GTF2E1: variants seen among roughly 807,000 people sequenced by gnomAD.
The protein encoded by GTF2E1 is general transcription factor IIE subunit 1, also known as TFIIE alpha subunit.
In GTF2E1, 14 loss-of-function variants were observed where a neutral mutation model predicts 34.9. That is an observed-to-expected ratio of 0.40 (90% CI 0.27 to 0.63). The LOEUF (loss-of-function observed/expected upper bound fraction) is 0.63, where lower values mean the gene tolerates loss of function less well. GTF2E1 is among the 20% of genes least tolerant of loss of function. The pLI is 0.39. For missense variants in GTF2E1, 469 were observed against 557.7 expected, an observed-to-expected ratio of 0.84 and a Z score of 1.60; for synonymous variants, 188 against 192.9, an observed-to-expected ratio of 0.97 and a Z score of 0.21.
At chr3:120,750,446 T>A (rs1196041216) in intron 1 of GTF2E1, 77 bp from the exon 2 acceptor site, 2 of 826,240 alleles carry the variant, frequency 2.4e-6, no homozygotes, top group African/African-American at 3.4e-5. Context: ...TGGGTACTTT[T>A]CTGGCACTGC....
chr3:120,749,961 ACTGT>A (rs1709148376), intron 1 of GTF2E1: 1 of 152,312 alleles, frequency 6.6e-6, no homozygotes, highest in Non-Finnish European at 1.5e-5. Flanking sequence ...GGTTGGTAAA[ACTGT>A]CTGGATCTAA....
chr3:120,765,273 T>C (rs1015405711), intron 2 of GTF2E1, among the ~76,000 whole-genome samples: 1 of 151,660 alleles, frequency 6.6e-6, no homozygotes, highest in African/African-American at 2.4e-5. Flanking sequence ...AAAATATAGC[T>C]TTGAAATATC....
chr3:120,766,046 A>G (rs1339435789), intron 2 of GTF2E1, among the ~76,000 whole-genome samples: 2 of 152,200 alleles, frequency 1.3e-5, no homozygotes, highest in African/African-American at 2.4e-5. Flanking sequence ...CTTGAGTAGT[A>G]TAGTCTATGT....
intron 2 of GTF2E1, among the ~76,000 whole-genome samples, chr3:120,759,538 C>T (rs1248148043): frequency 1.3e-5 from 2 of 152,050 alleles, no homozygotes; most frequent in Admixed American, 1.3e-4. Context: ...AATGATATTG[C>T]CTAGGTTTTC....
In GTF2E1 at chr3:120,770,847, T is replaced by G; in HGVS notation, c.568T>G (p.Leu190Val). Residue 190 changes from leucine (L) to valine (V), a missense_variant, in exon 3 of 5, where the codon TTG becomes GTG. Coordinates refer to ENST00000283875, the MANE Select transcript of GTF2E1 (RefSeq NM_005513.3). ...TGAACAAATTGAGCCCATTTATGCA[T>G]TGCTTCGGGAGACAGAGGATGTGAA... ...FNEQIEPIYALLRETEDVNLA... is the reference protein window; with the variant it reads ...FNEQIEPIYAVLRETEDVNLA... 1.2e-6 allele frequency: 2 copies of G among 1,613,666 alleles called. No homozygotes were observed. The highest frequency in any genetic ancestry group is 1.7e-6 in the Non-Finnish European group (2 of 1,179,638).
chr3:120,761,597 T>G (rs1709263797), intron 2 of GTF2E1, among the ~76,000 whole-genome samples: 1 of 152,206 alleles, frequency 6.6e-6, no homozygotes, highest in Non-Finnish European at 1.5e-5. Context: ...TTTAAATGTA[T>G]CCCAGAGATT....
chr3:120,761,650 C>A (rs965777231), intron 2 of GTF2E1, among the ~76,000 whole-genome samples: 2 of 152,144 alleles, frequency 1.3e-5, no homozygotes, highest in African/African-American at 4.8e-5. Context: ...CAAAGAACAT[C>A]TTTATTTCTG....
At chr3:120,775,819 A>T (rs1709394100) in intron 3 of GTF2E1, among the ~76,000 whole-genome samples, 1 of 152,240 alleles carries the variant, frequency 6.6e-6, no homozygotes, top group Non-Finnish European at 1.5e-5. Flanking sequence ...AGATAGAAAC[A>T]TACAACTACA....
chr3:120,780,248 G>A (rs1257196131), intron 4 of GTF2E1, among the ~76,000 whole-genome samples: 2 of 152,136 alleles, frequency 1.3e-5, no homozygotes, highest in African/African-American at 4.8e-5. Flanking sequence ...CCTTGGAAAG[G>A]GGGTGACAAA....
chr3:120,781,332 C>A lies in GTF2E1; in HGVS notation c.1182C>A (p.Pro394=), dbSNP rs764890080. The A allele has an allele frequency of 6.2e-7, 1 of 1,614,008 alleles. No individual in the cohort carries two copies. Among genetic ancestry groups the A allele is most frequent in the Non-Finnish European group, 8.5e-7 (1 of 1,180,016 alleles). ...AGTTTGAAGAAGTAGCAGATGACCC[C>A]ATTGTCATGGTGGCTGGCCGTCCGT... ...DDEFEEVADD[P]IVMVAGRPFS... is the part of the protein sequence containing the mutation. The change falls in exon 5 of 5, where the codon CCC becomes CCA. Residue 394 remains proline (P), a synonymous_variant. Coordinates refer to ENST00000283875, the MANE Select transcript of GTF2E1 (RefSeq NM_005513.3).
rs1709442500 is a variant in GTF2E1, at chr3:120,781,079, A to G, written c.929A>G (p.Glu310Gly). 1.2e-6 allele frequency: 2 copies of G among 1,613,844 alleles called. No homozygotes were observed. The highest frequency in any genetic ancestry group is 8.5e-7 in the Non-Finnish European group (1 of 1,179,792). ...IDMDAFQEREEGHAGPDDNEE... is the reference protein window; with the variant it reads ...IDMDAFQEREGGHAGPDDNEE... ...ATGGACGCATTTCAGGAGCGTGAGGAAGGCCATGCTGGGCCTGATGACAAC... is the reference window on the plus strand; with the variant it reads ...ATGGACGCATTTCAGGAGCGTGAGGGAGGCCATGCTGGGCCTGATGACAAC... The change falls in exon 5 of 5, where the codon GAA becomes GGA. Residue 310 changes from glutamate to glycine, a missense_variant. Physicochemically the swap from Glu to Gly is moderately conservative, Grantham distance 98. Coordinates refer to ENST00000283875, the MANE Select transcript of GTF2E1 (RefSeq NM_005513.3).
intron 2 of GTF2E1, among the ~76,000 whole-genome samples, chr3:120,765,481 G>T (rs1461330923): frequency 6.6e-6 from 1 of 152,096 alleles, no homozygotes; most frequent in East Asian, 1.9e-4. Flanking sequence ...TTGAAAAGTG[G>T]AGCTAATGTA....
At chr3:120,750,465 T>C (rs1709154858) in intron 1 of GTF2E1, 58 bp from the exon 2 acceptor site, 1 of 984,524 alleles carries the variant, frequency 1.0e-6, no homozygotes, top group African/African-American at 1.6e-5. Context: ...GCAAGGATAG[T>C]GGATATGATT....
intron 3 of GTF2E1, among the ~76,000 whole-genome samples, chr3:120,772,029 T>C (rs1368165581): frequency 6.6e-6 from 1 of 152,204 alleles, no homozygotes; most frequent in Non-Finnish European, 1.5e-5. Flanking sequence ...CTTTATACTC[T>C]GCTGAACTCA....
intron 2 of GTF2E1, among the ~76,000 whole-genome samples, chr3:120,768,064 G>A (rs914441951): frequency 1.3e-5 from 2 of 151,968 alleles, no homozygotes; most frequent in Admixed American, 6.6e-5. Flanking sequence ...TGAGAAATGG[G>A]GTATTTGGGA....
At chr3:120,760,029 C>G (rs967213546) in intron 2 of GTF2E1, among the ~76,000 whole-genome samples, 1 of 152,168 alleles carries the variant, frequency 6.6e-6, no homozygotes, top group African/African-American at 2.4e-5. Flanking sequence ...TTACCTTGGA[C>G]AGGATGGCCA....
chr3:120,775,260 G>T (rs1709389210), intron 3 of GTF2E1, among the ~76,000 whole-genome samples: 2 of 152,238 alleles, frequency 1.3e-5, no homozygotes, highest in Admixed American at 6.5e-5. Context: ...ATGAGTCGGG[G>T]CTCCACACAG....
intron 2 of GTF2E1, among the ~76,000 whole-genome samples, chr3:120,756,606 ATT>A (rs1268740969): frequency 6.6e-6 from 1 of 151,944 alleles, no homozygotes; most frequent in African/African-American, 2.4e-5. Context: ...GCTGCTTTTG[ATT>A]TTGAGGATTT....
At chr3:120,743,217 C>T (rs1418992123) in intron 1 of GTF2E1, among the ~76,000 whole-genome samples, 1 of 152,212 alleles carries the variant, frequency 6.6e-6, no homozygotes, top group East Asian at 1.9e-4. Context: ...TGTTCTAGAA[C>T]TGGAGTGGCG....
Sources: allele counts gnomAD v4.1 joint callset (sites outside exome capture counted in the v4.1 genomes callset), GRCh38; gene constraint gnomAD v4.1.1; transcripts MANE v1.5; gene names NCBI Gene and HGNC (gene_info 2026-07-23, HGNC 2026-07-21).